Variants in ADAMTS4 observed in about 807,000 individuals in gnomAD.
The protein encoded by ADAMTS4 is A disintegrin and metalloproteinase with thrombospondin motifs 4.
ADAMTS4 carries 38 observed loss-of-function variants against 66.7 expected under a neutral mutation model. The ratio of observed to expected loss-of-function variants is 0.57; its 90% CI spans 0.44 to 0.75. The LOEUF (loss-of-function observed/expected upper bound fraction) is 0.75, where lower values mean the gene tolerates loss of function less well. Among genes scored for constraint, ADAMTS4 ranks in the 30% least tolerant of loss-of-function variants. The pLI is 0.00. For missense variants in ADAMTS4, 1,014 were observed against 1,116.7 expected, an observed-to-expected ratio of 0.91 and a Z score of 1.31; for synonymous variants, 418 against 461.5, an observed-to-expected ratio of 0.91 and a Z score of 1.21.
chr1:161,194,160 C>T lies in ADAMTS4; in HGVS notation c.1323G>A (p.Lys441=). 1 of 1,614,168 alleles carries T rather than the reference C, an allele frequency of 6.2e-7. No homozygotes were observed. Among genetic ancestry groups the T allele is most frequent in the Non-Finnish European group, 8.5e-7 (1 of 1,180,012 alleles). The change falls in exon 5 of 9, where the codon AAG becomes AAA. Residue 441 remains lysine (K), a synonymous_variant. Coordinates refer to ENST00000367996, the MANE Select transcript of ADAMTS4 (RefSeq NM_005099.6). The surrounding 1 kb of genome is among the most constrained non-coding windows in gnomAD (Gnocchi z 4.1). ...GGCACTGGCGGTCAGCATCATAGTC[C>T]TTGCCAGGGAAAGTCACAGGCAGAT... ...PLHLPVTFPG[K]DYDADRQCQL...
chr1:161,195,510 G>A lies in ADAMTS4; in HGVS notation c.1216C>T (p.Pro406Ser). The change falls in exon 4 of 9, where the codon CCC (proline) becomes TCC (serine). Residue 406 changes from proline (P) to serine (S), a missense_variant. By Grantham distance (74) the Pro-to-Ser change is moderately conservative. Coordinates refer to ENST00000367996, the MANE Select transcript of ADAMTS4 (RefSeq NM_005099.6). ...AHVDPEEPWS[P>S]CSARFITDFL... The stretch of plus-strand genomic sequence containing the variant: ...TCAGTGATGAAGCGGGCACTGCAGG[G>A]GGACCAGGGCTCCTCAGGATCCACA... 1 of 1,613,542 alleles carries A rather than the reference G, an allele frequency of 6.2e-7. No homozygotes were observed. Among genetic ancestry groups the A allele is most frequent in the Non-Finnish European group, 8.5e-7 (1 of 1,179,730 alleles).
At position 161,195,615 on chromosome 1, in the gene ADAMTS4, G is replaced by T. The variant is rs1372002191; in HGVS notation, c.1111C>A (p.His371Asn). ...CTGATGCATGGCTTGGAGTTGTCATGGAGCATGTTGAAGACATGACCTGTG... is the reference window on the plus strand; with the variant it reads ...CTGATGCATGGCTTGGAGTTGTCATTGAGCATGTTGAAGACATGACCTGTG... ...HELGHVFNML[H>N]DNSKPCISLN... Residue 371 changes from histidine (H) to asparagine (N), a missense_variant, in exon 4 of 9, where the codon CAT becomes AAT. By Grantham distance (68) the His-to-Asn change is moderately conservative (BLOSUM62 1). Transcript: ENST00000367996. 1.4e-5 allele frequency: 22 copies of T among 1,613,114 alleles called. No individual in the cohort carries two copies. Among genetic ancestry groups the T allele is most frequent in the Non-Finnish European group, 1.8e-5 (21 of 1,179,494 alleles).
intron 4 of ADAMTS4, among the ~76,000 whole-genome samples, 196 bp downstream of exon 4, chr1:161,195,269 C>T (rs1664782927): frequency 6.6e-6 from 1 of 152,214 alleles, no homozygotes; most frequent in South Asian, 2.1e-4. Flanking sequence ...AATTCGCCTC[C>T]TCTAGCTATG....
rs1211187406 is a variant in ADAMTS4 at position 161,198,635 on chromosome 1, G to A, written c.-8C>T. 3 of 1,498,454 alleles carry A rather than the reference G, an allele frequency of 2.0e-6. No individual in the cohort carries two copies. Among genetic ancestry groups the A allele is most frequent in the Non-Finnish European group, 2.7e-6 (3 of 1,120,282 alleles). The allele number at this position is 1,498,454 out of a possible 1,614,324, so 92.8% of individuals were successfully genotyped here. ...CGAGCCTGTCTGGGACATGGCACTG[G>A]TACTGCAGCTGGGAGGGACTGAGGC... On this transcript the variant is annotated 5_prime_UTR_variant, in exon 1 of 9. Coordinates refer to ENST00000367996, the MANE Select transcript of ADAMTS4 (RefSeq NM_005099.6). The surrounding 1 kb of genome is among the most constrained non-coding windows in gnomAD (Gnocchi z 4.7).
chr1:161,193,471 A>G lies in ADAMTS4; in HGVS notation c.1736-83T>C, dbSNP rs76110158. ...TCCACCCAACCCCTGAGAACTCTAG[A>G]CAGCACAGCTCTGCTCTTCCCTGCA... On this transcript the variant is annotated intron_variant, in intron 6 of 8. Transcript: ENST00000367996. This position sits in a 1 kb window ranked among gnomAD's most constrained non-coding sequence, Gnocchi z 4.4. 1,489 of 1,552,502 alleles carry G rather than the reference A, an allele frequency of 9.6e-4. 11 individuals are homozygous for G. The East Asian group carries it at 0.017, about 17-fold the overall frequency.
At chr1:161,197,974 A>G (rs1158353816) in intron 1 of ADAMTS4, 21 bp downstream of exon 1, 1 of 1,537,904 alleles carries the variant, frequency 6.5e-7, no homozygotes, top group Non-Finnish European at 8.8e-7. Context: ...ACCGCAGGAC[A>G]CAGACTCCAG....
In ADAMTS4 at chr1:161,193,211, A is replaced by C. The variant is rs1340182411; in HGVS notation, c.1911+2T>G. On this transcript the variant is annotated splice_donor_variant, in intron 7 of 8. Transcript: ENST00000367996. LOFTEE classifies it high-confidence loss of function. The surrounding 1 kb of genome is among the most constrained non-coding windows in gnomAD (Gnocchi z 4.4). ...AGGGCCTGGGGGTGTCCTGACCCTCACCCGTGGCTCCAGCACATAGTAGTA... is the reference window on the plus strand; with the variant it reads ...AGGGCCTGGGGGTGTCCTGACCCTCCCCCGTGGCTCCAGCACATAGTAGTA... 1.4e-5 allele frequency: 22 copies of C among 1,611,254 alleles called. No homozygotes were observed. Among genetic ancestry groups the C allele is most frequent in the Non-Finnish European group, 1.9e-5 (22 of 1,178,498 alleles).
Position 161,198,285 on chromosome 1 carries a change from C to T in ADAMTS4, c.343G>A (p.Ala115Thr). The T allele has an allele frequency of 1.2e-6, 2 of 1,613,790 alleles. No homozygotes were observed. The highest frequency in any genetic ancestry group is 1.7e-6 in the Non-Finnish European group (2 of 1,180,004). Residue 115 changes from alanine (A) to threonine (T), a missense_variant, in exon 1 of 9, where the codon GCG becomes ACG. Physicochemically the swap from Ala to Thr is moderately conservative, Grantham distance 58. Transcript: ENST00000367996. This position sits in a 1 kb window ranked among gnomAD's most constrained non-coding sequence, Gnocchi z 4.7. ...TCTGCTCCACCCAGCAGCTCAGGCG[C>T]CTGGCCCAGGTACTGCACTGTCAGC... ...EGLTVQYLGQAPELLGGAEPG... is the reference protein window; with the variant it reads ...EGLTVQYLGQTPELLGGAEPG...
rs1664588049 is a variant in ADAMTS4 at position 161,188,423 on chromosome 1, TGGTAGAGATGGAATC to T, written c.*2700_*2714del. 6.6e-6 allele frequency: 1 copy of T among 150,384 alleles called. No homozygotes were observed. The highest frequency in any genetic ancestry group is 1.5e-5 in the Non-Finnish European group (1 of 67,638). 9.3% of individuals were successfully genotyped at this position (150,384 alleles called of 1,614,324 possible). ...CTAATTTTTCAATCTTTTTTTTTTTTGGTAGAGATGGAATCTTTCTATGTTGCCCAGGTTGGTCCC... is the reference window on the plus strand; with the variant it reads ...CTAATTTTTCAATCTTTTTTTTTTTTTTTCTATGTTGCCCAGGTTGGTCCC... On this transcript the variant is annotated 3_prime_UTR_variant, in exon 9 of 9. Transcript: ENST00000367996.
chr1:161,190,855 C>T lies in ADAMTS4; in HGVS notation c.*283G>A, dbSNP rs1664652602. 1 of 369,630 alleles carries T rather than the reference C, an allele frequency of 2.7e-6. No individual in the cohort carries two copies. The highest frequency in any genetic ancestry group is 4.9e-6 in the Non-Finnish European group (1 of 203,218). 22.9% of individuals were successfully genotyped at this position (369,630 alleles called of 1,614,324 possible). The stretch of plus-strand genomic sequence containing the variant: ...AAATAAATACAACTGGGGCCCAGGC[C>T]CTCCCTGCCTTCCCCCTCCCTCCTG... On this transcript the variant is annotated 3_prime_UTR_variant, in exon 9 of 9. Transcript: ENST00000367996.
intron 1 of ADAMTS4, 58 bp from the exon 2 acceptor site, chr1:161,196,938 T>G: frequency 1.2e-5 from 17 of 1,445,160 alleles, no homozygotes; most frequent in Non-Finnish European, 1.5e-5. Context: ...CATGGGTCGG[T>G]CGATTCTCCA....
At position 161,193,278 on chromosome 1, in the gene ADAMTS4, G is replaced by C; in HGVS notation, c.1846C>G (p.Gln616Glu). The change falls in exon 7 of 9, where the codon CAG becomes GAG. Residue 616 changes from glutamine (Q) to glutamate (E), a missense_variant. Gln to Glu is a conservative substitution (Grantham distance 29). Transcript: ENST00000367996. The surrounding 1 kb of genome is among the most constrained non-coding windows in gnomAD (Gnocchi z 4.4). ...WVPRYTGVAP[Q>E]DQCKLTCQAQ... is the part of the protein sequence containing the mutation. The stretch of plus-strand genomic sequence containing the variant: ...TGGCAGGTGAGTTTGCACTGGTCCT[G>C]GGGGGCCACGCCTGTGTAGCGAGGA... 1 of 1,611,960 alleles carries C rather than the reference G, an allele frequency of 6.2e-7. No individual in the cohort carries two copies. Among genetic ancestry groups the C allele is most frequent in the Non-Finnish European group, 8.5e-7 (1 of 1,178,192 alleles).
rs1387690032 is a variant in ADAMTS4 at position 161,193,813 on chromosome 1, C to G, written c.1562G>C (p.Gly521Ala). 7 of 1,606,778 alleles carry G rather than the reference C, an allele frequency of 4.4e-6. No homozygotes were observed. The change falls in exon 6 of 9, where the codon GGT becomes GCT. Residue 521 changes from glycine to alanine, a missense_variant. Gly to Ala is a moderately conservative substitution (Grantham distance 60). Transcript: ENST00000367996. The surrounding 1 kb of genome is among the most constrained non-coding windows in gnomAD (Gnocchi z 4.4). ...CCATGGTCCCCAAGGACCCCAGCCACCAGCCTGTGGAATCTGCAAAGGCAC... is the reference window on the plus strand; with the variant it reads ...CCATGGTCCCCAAGGACCCCAGCCAGCAGCCTGTGGAATCTGCAAAGGCAC... The part of the protein sequence containing the change: ...QLQDFNIPQA[G>A]GWGPWGPWGD...
In ADAMTS4 at chr1:161,191,281, G is replaced by T. The variant is rs777856617; in HGVS notation, c.2371C>A (p.Pro791Thr). 1.9e-6 allele frequency: 3 copies of T among 1,613,970 alleles called. No individual in the cohort carries two copies. The highest frequency in any genetic ancestry group is 1.1e-5 in the South Asian group (1 of 91,088). The change falls in exon 9 of 9, where the codon CCC (proline) becomes ACC (threonine). Residue 791 changes from proline (P) to threonine (T), a missense_variant. Physicochemically the swap from Pro to Thr is conservative, Grantham distance 38 (BLOSUM62 -1). Coordinates refer to ENST00000367996, the MANE Select transcript of ADAMTS4 (RefSeq NM_005099.6). ...LTLQVLVAGNPQDTRLRYSFF... is the reference protein window; with the variant it reads ...LTLQVLVAGNTQDTRLRYSFF... ...CTGTATCGGAGGCGTGTGTCCTGGG[G>T]GTTGCCAGCCACTAGGACTTGCAGT...
chr1:161,193,153 G>T lies in ADAMTS4; in HGVS notation c.1911+60C>A. The T allele has an allele frequency of 6.5e-7, 1 of 1,528,602 alleles. No homozygotes were observed. The highest frequency in any genetic ancestry group is 2.3e-5 in the East Asian group (1 of 42,642). The allele number at this position is 1,528,602 out of a possible 1,614,324, so 94.7% of individuals were successfully genotyped here. A position where few individuals can be genotyped will look rare whatever the true frequency, so the allele number is the denominator to read the frequency against. The stretch of plus-strand genomic sequence containing the variant: ...GGGTGATCTTTGTTATCAGAAAGCA[G>T]AGGGAGCACTGCGGGTGTGTGTGAC... On this transcript the variant is annotated intron_variant, in intron 7 of 8. Transcript: ENST00000367996. This position sits in a 1 kb window ranked among gnomAD's most constrained non-coding sequence, Gnocchi z 4.4.
Position 161,193,285 on chromosome 1 carries a change from C to T in ADAMTS4, c.1839G>A (p.Val613=), listed in dbSNP as rs1023316253. The change falls in exon 7 of 9, where the codon GTG becomes GTA. Residue 613 remains valine, a synonymous_variant. Coordinates refer to ENST00000367996, the MANE Select transcript of ADAMTS4 (RefSeq NM_005099.6). The surrounding 1 kb of genome is among the most constrained non-coding windows in gnomAD (Gnocchi z 4.4). ...PMDWVPRYTG[V]APQDQCKLTC... is the part of the protein sequence containing the mutation. ...TGAGTTTGCACTGGTCCTGGGGGGCCACGCCTGTGTAGCGAGGAACCCAGT... is the reference window on the plus strand; with the variant it reads ...TGAGTTTGCACTGGTCCTGGGGGGCTACGCCTGTGTAGCGAGGAACCCAGT... The T allele has an allele frequency of 5.0e-6, 8 of 1,613,976 alleles. No homozygotes were observed. The African/African-American group carries it at 1.1e-4, about 22-fold the overall frequency.
In ADAMTS4 at chr1:161,198,882, C is replaced by T. The variant is rs1664990428; in HGVS notation, c.-255G>A. ...CCTCCTTTCCTGGATCTTTGTCTCT[C>T]CCTGCCTGTGTCTTCTGCAGCTTCT... On this transcript the variant is annotated 5_prime_UTR_variant, in exon 1 of 9. Coordinates refer to ENST00000367996, the MANE Select transcript of ADAMTS4 (RefSeq NM_005099.6). This position sits in a 1 kb window ranked among gnomAD's most constrained non-coding sequence, Gnocchi z 4.7. The T allele has an allele frequency of 6.8e-6, 3 of 440,556 alleles. No individual in the cohort carries two copies. Among genetic ancestry groups the T allele is most frequent in the Admixed American group, 7.7e-5 (2 of 25,854 alleles). 27.3% of individuals were successfully genotyped at this position (440,556 alleles called of 1,614,324 possible). A position where few individuals can be genotyped will look rare whatever the true frequency, so the allele number is the denominator to read the frequency against.
At position 161,193,501 on chromosome 1, in the gene ADAMTS4, G is replaced by T; in HGVS notation, c.1736-113C>A. On this transcript the variant is annotated intron_variant, in intron 6 of 8. Coordinates refer to ENST00000367996, the MANE Select transcript of ADAMTS4 (RefSeq NM_005099.6). The surrounding 1 kb of genome is among the most constrained non-coding windows in gnomAD (Gnocchi z 4.4). Reference sequence around the variant, plus strand: ...ACAGCTCTGCTCTTCCCTGCAGACGGCCAAGGACAATTCCCAGAGGTTAAA... The same window carrying T: ...ACAGCTCTGCTCTTCCCTGCAGACGTCCAAGGACAATTCCCAGAGGTTAAA... 1 of 1,516,954 alleles carries T rather than the reference G, an allele frequency of 6.6e-7. No homozygotes were observed. The highest frequency in any genetic ancestry group is 8.9e-7 in the Non-Finnish European group (1 of 1,123,648). 94.0% of individuals were successfully genotyped at this position (1,516,954 alleles called of 1,614,324 possible). A position where few individuals can be genotyped will look rare whatever the true frequency, so the allele number is the denominator to read the frequency against.
At chr1:161,195,352 G>T (rs1245947101) in intron 4 of ADAMTS4, 113 bp downstream of exon 4, 1 of 1,095,314 alleles carries the variant, frequency 9.1e-7, no homozygotes. Flanking sequence ...CACTGCAGAG[G>T]AAGCACACTT....
Sources: allele counts gnomAD v4.1 joint callset (sites outside exome capture counted in the v4.1 genomes callset), GRCh38; gene constraint gnomAD v4.1.1; non-coding constraint Gnocchi (gnomAD v3.1); transcripts MANE v1.5; gene names NCBI Gene and HGNC (gene_info 2026-07-23, HGNC 2026-07-21).